The following CNTNAP5 variants were observed in gnomAD, a reference collection of about 807,000 sequenced individuals.
CNTNAP5 encodes contactin associated protein family member 5, also known as contactin-associated protein-like 5.
Under a neutral mutation model 150.2 loss-of-function variants are expected in CNTNAP5, and 72 were observed. That is an observed-to-expected ratio of 0.48 (90% CI 0.40 to 0.58). CNTNAP5 has a LOEUF of 0.58. Ranked by LOEUF, CNTNAP5 falls within the 20% of genes least tolerant of loss-of-function variation. The probability of loss-of-function intolerance (pLI) is 0.00; values close to 1 mark genes in which losing one functional copy is unlikely to be tolerated. For missense variants in CNTNAP5, 1,636 were observed against 1,626.2 expected, an observed-to-expected ratio of 1.01 and a Z score of -0.10; for synonymous variants, 672 against 619.8, an observed-to-expected ratio of 1.08 and a Z score of -1.25.
At chr2:124,409,819 C>T (rs1213686210) in intron 3 of CNTNAP5, among the ~76,000 whole-genome samples, 1 of 152,062 alleles carries the variant, frequency 6.6e-6, no homozygotes, top group Admixed American at 6.6e-5. Flanking sequence ...ACTGCATCAA[C>T]TAACGAGCAA....
At chr2:124,149,948 G>T (rs1266676737) in intron 1 of CNTNAP5, among the ~76,000 whole-genome samples, 1 of 152,118 alleles carries the variant, frequency 6.6e-6, no homozygotes, top group Non-Finnish European at 1.5e-5. Context: ...GGCCAACACT[G>T]CTGCTTTTTG....
intron 19 of CNTNAP5, among the ~76,000 whole-genome samples, chr2:124,845,967 T>C (rs1683039869): frequency 6.6e-6 from 1 of 150,684 alleles, no homozygotes; most frequent in Non-Finnish European, 1.5e-5. Context: ...TTCTGTATTT[T>C]GTCATTTTTG....
At chr2:124,666,025 A>G (rs1246514903) in intron 13 of CNTNAP5, among the ~76,000 whole-genome samples, 1 of 152,210 alleles carries the variant, frequency 6.6e-6, no homozygotes, top group Non-Finnish European at 1.5e-5. Flanking sequence ...AAACTGTAAA[A>G]TACTTTAAAG....
intron 11 of CNTNAP5, among the ~76,000 whole-genome samples, chr2:124,567,876 GATAGATAT>G (rs1288886983): frequency 1.4e-5 from 2 of 147,474 alleles, no homozygotes; most frequent in African/African-American, 5.3e-5. Flanking sequence ...TAGATAGATA[GATAGATAT>G]AGATAGATAG....
chr2:124,233,368 A>G (rs973601361), intron 2 of CNTNAP5, among the ~76,000 whole-genome samples: 1 of 152,142 alleles, frequency 6.6e-6, no homozygotes, highest in African/African-American at 2.4e-5. Context: ...ACTAAATTAG[A>G]AATTCTGGCA....
chr2:124,883,507 C>G (rs529916794), intron 21 of CNTNAP5, among the ~76,000 whole-genome samples: 2 of 152,124 alleles, frequency 1.3e-5, no homozygotes. Context: ...CACGGAGACA[C>G]CAAGCTAAGC....
chr2:124,275,242 T>C (rs1687858105), intron 3 of CNTNAP5, among the ~76,000 whole-genome samples: 1 of 152,094 alleles, frequency 6.6e-6, no homozygotes, highest in African/African-American at 2.4e-5. Context: ...AGGGGAGACA[T>C]GGACAGACCA....
intron 19 of CNTNAP5, among the ~76,000 whole-genome samples, chr2:124,855,641 A>G (rs2104708264): frequency 6.6e-6 from 1 of 152,324 alleles, no homozygotes; most frequent in African/African-American, 2.4e-5. Flanking sequence ...TATTTACCCT[A>G]AGTCCCAGCT....
At chr2:124,245,293 C>A (rs1043123088) in intron 3 of CNTNAP5, among the ~76,000 whole-genome samples, 1 of 152,080 alleles carries the variant, frequency 6.6e-6, no homozygotes, top group Non-Finnish European at 1.5e-5. Context: ...TGCCTTGTGG[C>A]TAACTAATAT....
At chr2:124,628,462 A>G (rs898246972) in intron 12 of CNTNAP5, among the ~76,000 whole-genome samples, 1 of 152,160 alleles carries the variant, frequency 6.6e-6, no homozygotes, top group Non-Finnish European at 1.5e-5. Flanking sequence ...ATCTGGCCAA[A>G]CTAAGGTTTA....
chr2:124,703,978 C>T (rs1038983376), intron 13 of CNTNAP5, among the ~76,000 whole-genome samples: 8 of 152,190 alleles, frequency 5.3e-5, no homozygotes, highest in Non-Finnish European at 8.8e-5. Flanking sequence ...AAGAGGCTGG[C>T]TACATTCCTT....
In CNTNAP5 at chr2:124,751,914, A is replaced by G. The variant is rs568868540; in HGVS notation, c.2234+4529A>G. Among the ~76,000 whole-genome samples, 40 of 152,286 alleles carry G rather than the reference A, an allele frequency of 2.6e-4. 2 individuals carry two copies. In the South Asian group the frequency reaches 6.8e-3, roughly 26 times the overall value. On this transcript the variant is annotated intron_variant, in intron 14 of 23. Transcript: ENST00000682447. The stretch of plus-strand genomic sequence containing the variant: ...CTCAATAACTCTTGAGGTTGGTTTT[A>G]TTATTTCTTTTCCCCAGAAAAAAGA...
intron 13 of CNTNAP5, among the ~76,000 whole-genome samples, chr2:124,665,641 C>CT (rs1678682757): frequency 6.6e-6 from 1 of 152,112 alleles, no homozygotes; most frequent in Non-Finnish European, 1.5e-5. Context: ...AATCCCAGCA[C>CT]TTTGGGAGGC....
At chr2:124,259,188 C>T (rs185067463) in intron 3 of CNTNAP5, among the ~76,000 whole-genome samples, 3 of 152,216 alleles carry the variant, frequency 2.0e-5, no homozygotes, top group Admixed American at 2.0e-4. Flanking sequence ...GACATGAACT[C>T]ATCCTTTTTT....
chr2:124,042,773 A>G (rs1573712411), intron 1 of CNTNAP5, among the ~76,000 whole-genome samples: 2 of 148,224 alleles, frequency 1.3e-5, no homozygotes, highest in South Asian at 4.3e-4. Flanking sequence ...GCATAAGCGT[A>G]ACTCTCTATC....
intron 1 of CNTNAP5, among the ~76,000 whole-genome samples, chr2:124,168,400 G>A (rs534362114): frequency 6.6e-6 from 1 of 152,304 alleles, no homozygotes; most frequent in Admixed American, 6.5e-5. Flanking sequence ...GGTTTTATTA[G>A]TTTGGCAGTG....
At position 124,496,293 on chromosome 2, in the gene CNTNAP5, T is replaced by C. The variant is rs73952999; in HGVS notation, c.1063-7999T>C. On this transcript the variant is annotated intron_variant, in intron 7 of 23. Transcript: ENST00000682447. ...CTTTTCCCTACATTTGCTGACAGCG[T>C]GCCAGTCAGTGCTGGTAGTTCTCAG... 2.4e-3 allele frequency among the ~76,000 whole-genome samples: 370 copies of C among 152,282 alleles called. 4 individuals are homozygous for C. Among genetic ancestry groups the C allele is most frequent in the African/African-American group, 8.3e-3 (345 of 41,548 alleles).
intron 3 of CNTNAP5, among the ~76,000 whole-genome samples, chr2:124,388,755 G>C (rs1204264177): frequency 6.6e-6 from 1 of 152,120 alleles, no homozygotes; most frequent in South Asian, 2.1e-4. Context: ...GACTCCACTG[G>C]CTTCAATCTC....
intron 3 of CNTNAP5, among the ~76,000 whole-genome samples, chr2:124,395,457 G>A (rs1056835576): frequency 6.6e-6 from 1 of 152,068 alleles, no homozygotes; most frequent in Admixed American, 6.6e-5. Context: ...GTGAAAACAT[G>A]CAGCTGGATC....
Sources: allele counts gnomAD v4.1 joint callset (sites outside exome capture counted in the v4.1 genomes callset), GRCh38; gene constraint gnomAD v4.1.1; transcripts MANE v1.5; gene names NCBI Gene and HGNC (gene_info 2026-07-23, HGNC 2026-07-21).